The following KCNH8 variants were observed in gnomAD, a reference collection of about 807,000 sequenced individuals.
The protein encoded by KCNH8 is potassium voltage-gated channel subfamily H member 8, also known as voltage-gated delayed rectifier potassium channel KCNH8.
Under a neutral mutation model 103.6 loss-of-function variants are expected in KCNH8, and 70 were observed. The ratio of observed to expected loss-of-function variants is 0.68; its 90% CI spans 0.56 to 0.82. The LOEUF (loss-of-function observed/expected upper bound fraction) is 0.82. Ranked by LOEUF, KCNH8 falls within the 40% of genes least tolerant of loss-of-function variation. KCNH8 has a pLI of 0.00. For missense variants in KCNH8, 1,217 were observed against 1,329.9 expected (o/e 0.92, Z 1.32); for synonymous variants, 498 against 489.4 (o/e 1.02, Z -0.23).
intron 1 of KCNH8, among the ~76,000 whole-genome samples, chr3:19,199,812 A>G (rs1426692913): frequency 6.6e-6 from 1 of 151,942 alleles, no homozygotes; most frequent in Non-Finnish European, 1.5e-5. Context: ...AAACATGGTA[A>G]TATGTGACAT....
chr3:19,514,854 G>T (rs1418610163), intron 13 of KCNH8, among the ~76,000 whole-genome samples: 1 of 151,620 alleles, frequency 6.6e-6, no homozygotes, highest in African/African-American at 2.4e-5. Flanking sequence ...TTGAATCTGA[G>T]AATAAGTAAA....
In KCNH8 at chr3:19,317,796, C is replaced by A. The variant is rs756280049; in HGVS notation, c.443-24791C>A. Among the ~76,000 whole-genome samples, 6 of 151,900 alleles carry A rather than the reference C, an allele frequency of 3.9e-5. No individual in the cohort carries two copies. In the South Asian group the frequency reaches 1.2e-3, roughly 32 times the overall value. ...AACATCCTTTCATGTTAAAAACTCTCAATAAACTAGGTATTGGAGGAACAT... is the reference window on the plus strand; with the variant it reads ...AACATCCTTTCATGTTAAAAACTCTAAATAAACTAGGTATTGGAGGAACAT... On this transcript the variant is annotated intron_variant, in intron 3 of 15. Transcript: ENST00000328405.
intron 2 of KCNH8, among the ~76,000 whole-genome samples, chr3:19,277,482 T>A (rs1304983927): frequency 1.3e-5 from 2 of 152,070 alleles, no homozygotes; most frequent in South Asian, 2.1e-4. Flanking sequence ...CAGGATTGTT[T>A]GACTCTAAAG....
Position 19,169,015 on chromosome 3 carries a change from G to A in KCNH8, c.76+20220G>A, listed in dbSNP as rs1056021152. Among the ~76,000 whole-genome samples, 205 of 152,254 alleles carry A rather than the reference G, an allele frequency of 1.3e-3. 2 individuals carry two copies. Among genetic ancestry groups the A allele is most frequent in the Admixed American group, 3.5e-3 (54 of 15,294 alleles). On this transcript the variant is annotated intron_variant, in intron 1 of 15. Coordinates refer to ENST00000328405, the MANE Select transcript of KCNH8 (RefSeq NM_144633.3). The stretch of plus-strand genomic sequence containing the variant: ...GATCATTAGTTTTCCTTTGAGGAAG[G>A]AATTCTGTGGCTGAAAAGAAATTTG...
At chr3:19,277,082 G>A (rs1239787142) in intron 2 of KCNH8, among the ~76,000 whole-genome samples, 1 of 152,092 alleles carries the variant, frequency 6.6e-6, no homozygotes, top group Non-Finnish European at 1.5e-5. Flanking sequence ...CTTATGTTGA[G>A]TGACAGAAGT....
chr3:19,290,458 A>C (rs967913139), intron 3 of KCNH8, among the ~76,000 whole-genome samples: 1 of 152,054 alleles, frequency 6.6e-6, no homozygotes, highest in African/African-American at 2.4e-5. Flanking sequence ...TATCATGAAG[A>C]GTTGTTGAAT....
chr3:19,531,065 T>C (rs1319333201), intron 15 of KCNH8, among the ~76,000 whole-genome samples: 2 of 152,204 alleles, frequency 1.3e-5, no homozygotes, highest in Non-Finnish European at 2.9e-5. Flanking sequence ...TGCCTAAAAT[T>C]CAAACTTATT....
chr3:19,385,162 A>G (rs1373644011), intron 5 of KCNH8, among the ~76,000 whole-genome samples: 1 of 152,124 alleles, frequency 6.6e-6, no homozygotes, highest in Admixed American at 6.6e-5. Flanking sequence ...GCTGCTGAGA[A>G]CAAAACTAGA....
At chr3:19,292,567 A>G (rs1286579642) in intron 3 of KCNH8, among the ~76,000 whole-genome samples, 2 of 152,220 alleles carry the variant, frequency 1.3e-5, no homozygotes, top group Non-Finnish European at 2.9e-5. Flanking sequence ...AACTAACACA[A>G]GATTAAACAG....
At chr3:19,211,443 G>C (rs2063770349) in intron 1 of KCNH8, among the ~76,000 whole-genome samples, 1 of 152,146 alleles carries the variant, frequency 6.6e-6, no homozygotes, top group South Asian at 2.1e-4. Flanking sequence ...AGGCAGGATG[G>C]TGTGAACAAA....
intron 3 of KCNH8, among the ~76,000 whole-genome samples, chr3:19,310,067 A>G (rs571701933): frequency 1.3e-5 from 2 of 152,100 alleles, no homozygotes; most frequent in East Asian, 1.9e-4. Flanking sequence ...AGGCAGGGCT[A>G]TGCCTTTGCA....
chr3:19,500,252 T>G (rs1311290796), intron 11 of KCNH8, among the ~76,000 whole-genome samples: 1 of 152,280 alleles, frequency 6.6e-6, no homozygotes, highest in East Asian at 1.9e-4. Context: ...TAAATATATA[T>G]GCACCCAATA....
chr3:19,198,412 C>T (rs982230882), intron 1 of KCNH8, among the ~76,000 whole-genome samples: 4 of 151,886 alleles, frequency 2.6e-5, no homozygotes, highest in African/African-American at 7.3e-5. Flanking sequence ...GCAAGACAAC[C>T]GCAGTGGGTT....
chr3:19,519,204 C>T (rs2068929417), intron 15 of KCNH8, among the ~76,000 whole-genome samples: 1 of 151,844 alleles, frequency 6.6e-6, no homozygotes, highest in Non-Finnish European at 1.5e-5. Context: ...CTTTGGTGTC[C>T]AGGGTAGACC....
intron 1 of KCNH8, among the ~76,000 whole-genome samples, chr3:19,216,335 C>G (rs956470793): frequency 6.6e-6 from 1 of 152,198 alleles, no homozygotes; most frequent in Non-Finnish European, 1.5e-5. Context: ...GTGTTACACA[C>G]GTAACTTTGG....
rs544905522 is a variant in KCNH8 at position 19,509,998 on chromosome 3, G to C, written c.2041-365G>C. ...AGCAAGAAAGAAGAATAGGGAGATA[G>C]AGGAAAAAAAAAAGGAGAGAGAATG... On this transcript the variant is annotated intron_variant, in intron 11 of 15. Coordinates refer to ENST00000328405, the MANE Select transcript of KCNH8 (RefSeq NM_144633.3). Among the ~76,000 whole-genome samples, 4 of 57,564 alleles carry C rather than the reference G, an allele frequency of 6.9e-5. No homozygotes were observed. The African/African-American group carries it at 7.4e-4, about 11-fold the overall frequency. The allele number at this position is 57,564 out of a possible 152,430, so 37.8% of individuals were successfully genotyped here.
chr3:19,169,381 C>T (rs899309027), intron 1 of KCNH8, among the ~76,000 whole-genome samples: 1 of 151,740 alleles, frequency 6.6e-6, no homozygotes, highest in Non-Finnish European at 1.5e-5. Flanking sequence ...GCTTCAGCCT[C>T]CCGAGTACCT....
chr3:19,321,959 G>A (rs926114783), intron 3 of KCNH8, among the ~76,000 whole-genome samples: 3 of 151,838 alleles, frequency 2.0e-5, no homozygotes, highest in Non-Finnish European at 4.4e-5. Flanking sequence ...TTTAACTGCT[G>A]TTTCTTTAAA....
At chr3:19,287,600 T>C in intron 3 of KCNH8, among the ~76,000 whole-genome samples, 1 of 152,120 alleles carries the variant, frequency 6.6e-6, no homozygotes, top group South Asian at 2.1e-4. Flanking sequence ...GTTGTTGTTG[T>C]TGTTGAGTTG....
Sources: allele counts gnomAD v4.1 joint callset (sites outside exome capture counted in the v4.1 genomes callset), GRCh38; gene constraint gnomAD v4.1.1; transcripts MANE v1.5; gene names NCBI Gene and HGNC (gene_info 2026-07-23, HGNC 2026-07-21).